Variants in NDUFA10 observed in about 807,000 individuals in gnomAD.
The protein encoded by NDUFA10 is NADH dehydrogenase [ubiquinone] 1 alpha subcomplex subunit 10, mitochondrial.
NDUFA10 carries 40 observed loss-of-function variants against 47.8 expected under a neutral mutation model. The ratio of observed to expected loss-of-function variants is 0.84; its 90% CI spans 0.65 to 1.09. The LOEUF is 1.09. Among genes scored for constraint, NDUFA10 ranks in the 50% least tolerant of loss-of-function variants. The pLI, the probability that NDUFA10 is intolerant of heterozygous loss-of-function variation, is 0.00. For synonymous variants in NDUFA10, 183 were observed against 172.2 expected (o/e 1.06, Z -0.49); for missense variants, 413 against 451.1 (o/e 0.92, Z 0.76).
At chr2:239,915,325 CACAGAGAACGAAG>C (rs1693841888) in intron 4 of NDUFA10, among the ~76,000 whole-genome samples, 1 of 135,318 alleles carries the variant, frequency 7.4e-6, no homozygotes, top group Non-Finnish European at 1.6e-5. Context: ...TACACACACA[CACAGAGAACGAAG>C]ACATACTCAG....
rs1040392454 is a variant in NDUFA10 at position 239,960,408 on chromosome 2, T to A, written c.*710A>T. On this transcript the variant is annotated 3_prime_UTR_variant, in exon 10 of 10. Transcript: ENST00000252711. The stretch of plus-strand genomic sequence containing the variant: ...TATATTATTTTGCTTTTGCATCTTA[T>A]GTCATCAACAGCCTAAGCTCAAATC... 21 of 986,326 alleles carry A rather than the reference T, an allele frequency of 2.1e-5. No homozygotes were observed. Among genetic ancestry groups the A allele is most frequent in the Non-Finnish European group, 2.4e-5 (20 of 830,648 alleles). 61.1% of individuals were successfully genotyped at this position (986,326 alleles called of 1,614,324 possible).
At chr2:239,935,248 G>A (rs578012185) in intron 4 of NDUFA10, among the ~76,000 whole-genome samples, 8 of 152,222 alleles carry the variant, frequency 5.3e-5, no homozygotes, top group Non-Finnish European at 1.2e-4. Context: ...GCCCTGTGGT[G>A]TTAAGTGTAA....
intron 8 of NDUFA10, among the ~76,000 whole-genome samples, chr2:240,003,346 G>T (rs1328964218): frequency 6.6e-6 from 1 of 152,148 alleles, no homozygotes; most frequent in East Asian, 1.9e-4. Context: ...CCATCTGTAG[G>T]CACCAACTTC....
chr2:239,934,752 C>G (rs1316197327), intron 4 of NDUFA10, among the ~76,000 whole-genome samples: 1 of 152,244 alleles, frequency 6.6e-6, no homozygotes, highest in Admixed American at 6.5e-5. Context: ...AGCGTTCTCA[C>G]TGTGACCTCC....
chr2:239,908,715 C>T (rs184996087), intron 4 of NDUFA10, among the ~76,000 whole-genome samples: 15 of 152,244 alleles, frequency 9.9e-5, no homozygotes. Flanking sequence ...ATTCGCAATA[C>T]ATGAGGTACA....
intron 9 of NDUFA10, chr2:239,983,849 T>C: frequency 1.4e-6 from 2 of 1,407,184 alleles, no homozygotes; most frequent in East Asian, 2.5e-5. Context: ...GGACCCAATG[T>C]CATGTGATAT....
intron 4 of NDUFA10, among the ~76,000 whole-genome samples, chr2:239,913,309 G>A (rs1442225274): frequency 6.6e-6 from 1 of 152,226 alleles, no homozygotes; most frequent in Admixed American, 6.5e-5. Flanking sequence ...CCCTTCCTCC[G>A]AGGACGCTGG....
chr2:239,941,500 C>A (rs1446326941), intron 4 of NDUFA10, among the ~76,000 whole-genome samples: 1 of 121,440 alleles, frequency 8.2e-6, no homozygotes, highest in African/African-American at 3.2e-5. Context: ...CCAAGGCGGG[C>A]AGATCACCTG....
chr2:240,005,105 C>T, intron 8 of NDUFA10, 105 bp downstream of exon 8: 3 of 1,005,892 alleles, frequency 3.0e-6, no homozygotes, highest in Middle Eastern at 2.1e-4. Flanking sequence ...TGGGTTGGTG[C>T]TGCTAACACC....
rs769030004 is a variant in NDUFA10 at position 240,025,319 on chromosome 2, A to T, written c.-18T>A. On this transcript the variant is annotated 5_prime_UTR_variant, in exon 1 of 10. Transcript: ENST00000252711. ...AAGGCCATGGCTACCCGGTCAGCTC[A>T]GGATCAAGGACCCAAGGGGACGCGG... 1.3e-5 allele frequency: 20 copies of T among 1,496,308 alleles called. No homozygotes were observed. The highest frequency in any genetic ancestry group is 2.8e-5 in the East Asian group (1 of 35,676). 92.7% of individuals were successfully genotyped at this position (1,496,308 alleles called of 1,614,324 possible).
chr2:239,944,058 T>C (rs1694405116), intron 4 of NDUFA10, among the ~76,000 whole-genome samples: 2 of 152,200 alleles, frequency 1.3e-5, no homozygotes, highest in Admixed American at 1.3e-4. Flanking sequence ...TGCGGCCACC[T>C]GGCTAGTCCT....
intron 4 of NDUFA10, among the ~76,000 whole-genome samples, chr2:239,913,005 T>C (rs1693781117): frequency 6.6e-6 from 1 of 152,230 alleles, no homozygotes; most frequent in Non-Finnish European, 1.5e-5. Context: ...GGAAAGCAAG[T>C]GGCAGGTGAC....
At chr2:239,979,954 T>C (rs554121926) in intron 9 of NDUFA10, among the ~76,000 whole-genome samples, 1 of 152,112 alleles carries the variant, frequency 6.6e-6, no homozygotes, top group Non-Finnish European at 1.5e-5. Context: ...TGTTCCTGCC[T>C]TCCGGGGGGT....
intron 4 of NDUFA10, among the ~76,000 whole-genome samples, chr2:239,913,959 A>G (rs1693796715): frequency 6.6e-6 from 1 of 152,222 alleles, no homozygotes; most frequent in South Asian, 2.1e-4. Flanking sequence ...TCTGTTCAGC[A>G]GCTCCCCTTT....
At chr2:239,948,766 A>T (rs1394696276) in intron 4 of NDUFA10, among the ~76,000 whole-genome samples, 2 of 152,226 alleles carry the variant, frequency 1.3e-5, no homozygotes, top group Admixed American at 6.5e-5. Flanking sequence ...TGGGACAGAA[A>T]AAACTAGAGC....
intron 4 of NDUFA10, among the ~76,000 whole-genome samples, chr2:239,898,160 C>G (rs1693434430): frequency 6.6e-6 from 1 of 152,186 alleles, no homozygotes; most frequent in Admixed American, 6.5e-5. Flanking sequence ...CAGGACTGTT[C>G]AGGGTTACGC....
At chr2:239,982,615 C>G (rs776792024) in intron 9 of NDUFA10, among the ~76,000 whole-genome samples, 16 of 152,192 alleles carry the variant, frequency 1.1e-4, no homozygotes. Flanking sequence ...TGTCTCCAGG[C>G]CCTATCTCTT....
At chr2:239,938,328 C>A (rs935907581) in intron 4 of NDUFA10, among the ~76,000 whole-genome samples, 1 of 152,256 alleles carries the variant, frequency 6.6e-6, no homozygotes, top group Admixed American at 6.5e-5. Context: ...TCCCGCCACT[C>A]CGCATGCTGC....
intron 4 of NDUFA10, among the ~76,000 whole-genome samples, chr2:239,933,751 A>C (rs1349625709): frequency 6.6e-6 from 1 of 152,138 alleles, no homozygotes. Flanking sequence ...GTACGGAACG[A>C]AGTCAGTGAA....
Sources: allele counts gnomAD v4.1 joint callset (sites outside exome capture counted in the v4.1 genomes callset), GRCh38; gene constraint gnomAD v4.1.1; transcripts MANE v1.5; gene names NCBI Gene and HGNC (gene_info 2026-07-23, HGNC 2026-07-21).